Variants in SMIM7 observed in about 807,000 individuals in gnomAD.
SMIM7 encodes the protein UPF0608 protein C19orf42.
Under a neutral mutation model 13.3 loss-of-function variants are expected in SMIM7, and 12 were observed. That is an observed-to-expected ratio of 0.90 (90% CI 0.58 to 1.46). The LOEUF is 1.46. Ranked by LOEUF, SMIM7 falls within the 40% of genes most tolerant of loss-of-function variation. SMIM7 has a pLI of 0.00. For missense variants in SMIM7, 114 were observed against 94.8 expected (o/e 1.20, Z -0.84); for synonymous variants, 36 against 35.8 (o/e 1.01, Z -0.02).
chr19:16,645,757 A>T (rs2086443237), downstream of SMIM7: 1 of 150,228 alleles, frequency 6.7e-6, no homozygotes, highest in South Asian at 2.1e-4. Context: ...CGCCTCCCAG[A>T]TTTAAGCAAT....
chr19:16,634,457 C>T (rs1402283821), intron 4 of SMIM7: 1 of 152,294 alleles, frequency 6.6e-6, no homozygotes, highest in Non-Finnish European at 1.5e-5. Flanking sequence ...CCCAGCAATT[C>T]TACTCCTAGG....
intron 4 of SMIM7, chr19:16,652,931 T>C (rs1391790211): frequency 1.9e-6 from 3 of 1,550,452 alleles, no homozygotes; most frequent in African/African-American, 2.7e-5. Context: ...CAGTGCTAGA[T>C]GGAAAGGCAA....
intron 4 of SMIM7, among the ~76,000 whole-genome samples, chr19:16,650,727 GAAGA>G (rs2086514008): frequency 7.1e-6 from 1 of 141,722 alleles, no homozygotes; most frequent in Non-Finnish European, 1.5e-5. Context: ...AAAAAAAAAA[GAAGA>G]AATAGGCACA....
intron 2 of SMIM7, 40 bp from the exon 3 acceptor site, chr19:16,659,487 A>T: frequency 1.3e-6 from 2 of 1,596,900 alleles, no homozygotes; most frequent in East Asian, 4.5e-5. Flanking sequence ...TCAATGGGAC[A>T]TAGAGTCCTC....
exon 5 of SMIM7, chr19:16,631,362 G>A (rs971622264): frequency 6.6e-6 from 1 of 151,886 alleles, no homozygotes; most frequent in East Asian, 1.9e-4. Context: ...CTCCAGCCTG[G>A]GTGACAGAGC....
chr19:16,659,774 G>C (rs2086648648), intron 2 of SMIM7, 185 bp downstream of exon 2: 2 of 767,766 alleles, frequency 2.6e-6, no homozygotes, highest in African/African-American at 1.7e-5. Context: ...GAGAGTATGG[G>C]TTTAAGGTCT....
At chr19:16,658,206 C>T (rs1173811606) in intron 3 of SMIM7, among the ~76,000 whole-genome samples, 3 of 152,206 alleles carry the variant, frequency 2.0e-5, no homozygotes, top group Non-Finnish European at 2.9e-5. Flanking sequence ...TGTCACCTAA[C>T]GTCACCTCTG....
At position 16,656,890 on chromosome 19, in the gene SMIM7, C is replaced by T. The variant is rs993441233; in HGVS notation, c.121+2505G>A. Among the ~76,000 whole-genome samples the T allele has an allele frequency of 2.0e-5, 3 of 151,234 alleles. No homozygotes were observed. In the South Asian group the frequency reaches 6.3e-4, roughly 32 times the overall value. On this transcript the variant is annotated intron_variant, in intron 3 of 4. Transcript: ENST00000487416. ...CTCCAGCCTGGGCAACAGAGAGAGG[C>T]TCCATCTCAAAAAAAAAAACAACAA...
At chr19:16,651,940 C>T (rs544045724) in intron 4 of SMIM7, among the ~76,000 whole-genome samples, 26 of 149,822 alleles carry the variant, frequency 1.7e-4, no homozygotes, top group Non-Finnish European at 3.4e-4. Context: ...ATAGTGACTT[C>T]TTCCCTGCCC....
chr19:16,654,804 A>G (rs907024073), intron 3 of SMIM7, among the ~76,000 whole-genome samples: 3 of 152,236 alleles, frequency 2.0e-5, no homozygotes, highest in African/African-American at 4.8e-5. Context: ...ATTCATTTAC[A>G]TATCATGTCC....
rs2086457529 is a variant in SMIM7 at position 16,647,057 on chromosome 19, T to C, written c.*189A>G. ...CAATTCAGAGACCAAAGTGAAACTA[T>C]CTTTGAAAACAGGGACGTGGCTGGG... On this transcript the variant is annotated 3_prime_UTR_variant, in exon 5 of 5. Coordinates refer to ENST00000487416, the MANE Select transcript of SMIM7 (RefSeq NM_024104.4). 1.5e-6 allele frequency: 1 copy of C among 686,048 alleles called. No individual in the cohort carries two copies. The highest frequency in any genetic ancestry group is 1.8e-5 in the African/African-American group (1 of 55,762). 42.5% of individuals were successfully genotyped at this position (686,048 alleles called of 1,614,324 possible).
At chr19:16,644,055 T>C (rs1196675799), downstream of SMIM7, 1 of 150,900 alleles carries the variant, frequency 6.6e-6, no homozygotes, top group African/African-American at 2.4e-5. Flanking sequence ...TACAGGAATA[T>C]GGAAAATGCT....
chr19:16,658,892 G>A (rs1156887887), intron 3 of SMIM7, among the ~76,000 whole-genome samples: 1 of 152,042 alleles, frequency 6.6e-6, no homozygotes, highest in East Asian at 1.9e-4. Context: ...AGGAAGTGAT[G>A]TGAGTGCTCA....
chr19:16,660,026 A>C, intron 1 of SMIM7, 26 bp from the exon 2 acceptor site: 1 of 1,614,028 alleles, frequency 6.2e-7, no homozygotes, highest in Non-Finnish European at 8.5e-7. Flanking sequence ...TACAGTTACT[A>C]GGGGCGCCCC....
intron 4 of SMIM7, among the ~76,000 whole-genome samples, chr19:16,650,835 C>A (rs190138881): frequency 1.4e-3 from 207 of 152,310 alleles, no homozygotes; most frequent in African/African-American, 4.8e-3. Context: ...CCTTCCAACT[C>A]CCTGGCTAAA....
At chr19:16,655,717 G>A (rs1266750701) in intron 3 of SMIM7, among the ~76,000 whole-genome samples, 1 of 144,930 alleles carries the variant, frequency 6.9e-6, no homozygotes, top group East Asian at 2.0e-4. Context: ...AATGGCTCCA[G>A]ATTAGGTGAT....
At chr19:16,654,373 A>G (rs2086569574) in intron 3 of SMIM7, among the ~76,000 whole-genome samples, 1 of 152,080 alleles carries the variant, frequency 6.6e-6, no homozygotes, top group Non-Finnish European at 1.5e-5. Flanking sequence ...ATGTGACCCA[A>G]GTCTGTCCAA....
intron 4 of SMIM7, chr19:16,635,054 G>C (rs1434642284): frequency 6.6e-6 from 1 of 151,992 alleles, no homozygotes; most frequent in Non-Finnish European, 1.5e-5. Context: ...GCTGGGATTT[G>C]GGGCTGGCTA....
At chr19:16,656,159 G>A (rs1028899327) in intron 3 of SMIM7, among the ~76,000 whole-genome samples, 1 of 152,168 alleles carries the variant, frequency 6.6e-6, no homozygotes, top group Non-Finnish European at 1.5e-5. Context: ...GCCGAGGCAG[G>A]TGGATCACCT....
Sources: allele counts gnomAD v4.1 joint callset (sites outside exome capture counted in the v4.1 genomes callset), GRCh38; gene constraint gnomAD v4.1.1; transcripts MANE v1.5; gene names NCBI Gene and HGNC (gene_info 2026-07-23, HGNC 2026-07-21).